Variants in GRID2 observed in about 807,000 individuals in gnomAD.
GRID2 encodes glutamate receptor ionotropic, delta-2.
A neutral mutation model predicts 114.8 loss-of-function variants in GRID2; 33 were observed. The ratio of observed to expected loss-of-function variants is 0.29; its 90% confidence interval spans 0.22 to 0.38. The LOEUF (loss-of-function observed/expected upper bound fraction) is 0.38, where lower values mean the gene tolerates loss of function less well. Ranked by LOEUF, GRID2 falls within the 10% of genes least tolerant of loss-of-function variation. The pLI is 1.00. For missense variants in GRID2, 1,184 were observed against 1,257.7 expected (o/e 0.94, Z 0.89); for synonymous variants, 505 against 449.9 (o/e 1.12, Z -1.55).
chr4:92,883,191 TAGG>T (rs986900379), intron 2 of GRID2, among the ~76,000 whole-genome samples: 1 of 152,226 alleles, frequency 6.6e-6, no homozygotes, highest in African/African-American at 2.4e-5. Context: ...GCATCTTCAC[TAGG>T]AGTAGATTCC....
intron 2 of GRID2, among the ~76,000 whole-genome samples, chr4:93,055,521 A>AAAC (rs768197501): frequency 5.3e-5 from 8 of 152,072 alleles, no homozygotes; most frequent in East Asian, 1.9e-4. Flanking sequence ...AAGTATAATT[A>AAAC]AACAACAACA....
At chr4:93,652,233 G>A (rs1404053125) in intron 14 of GRID2, among the ~76,000 whole-genome samples, 5 of 152,016 alleles carry the variant, frequency 3.3e-5, no homozygotes, top group Non-Finnish European at 5.9e-5. Context: ...GGAAGACCAC[G>A]TGAAGACACA....
At chr4:93,792,248 C>T (rs1734708715) in intron 1 of GRID2, among the ~76,000 whole-genome samples, 1 of 152,154 alleles carries the variant, frequency 6.6e-6, no homozygotes, top group Non-Finnish European at 1.5e-5. Flanking sequence ...AATCCCACTT[C>T]CCTCTCTAAC....
chr4:93,625,697 C>A (rs184930446), intron 13 of GRID2, among the ~76,000 whole-genome samples: 1 of 152,122 alleles, frequency 6.6e-6, no homozygotes, highest in African/African-American at 2.4e-5. Flanking sequence ...GGGCGGATTA[C>A]GAGGTCAGGA....
intron 2 of GRID2, among the ~76,000 whole-genome samples, chr4:92,865,112 G>A (rs751724840): frequency 6.6e-6 from 1 of 152,128 alleles, no homozygotes; most frequent in African/African-American, 2.4e-5. Flanking sequence ...GAGGTTTGAG[G>A]TTCCCTGACA....
chr4:93,568,165 G>T (rs1239294662), intron 13 of GRID2, among the ~76,000 whole-genome samples: 3 of 152,148 alleles, frequency 2.0e-5, no homozygotes, highest in Non-Finnish European at 4.4e-5. Flanking sequence ...AGCCTTGCAA[G>T]CATGGTCATT....
At chr4:92,647,663 A>G (rs2149259061) in intron 2 of GRID2, among the ~76,000 whole-genome samples, 1 of 149,910 alleles carries the variant, frequency 6.7e-6, no homozygotes, top group Non-Finnish European at 1.5e-5. Flanking sequence ...ATCACTTTAT[A>G]TGTTATGAAA....
chr4:93,746,480 A>AT (rs1553995716), intron 14 of GRID2, among the ~76,000 whole-genome samples: 1 of 152,024 alleles, frequency 6.6e-6, no homozygotes, highest in Non-Finnish European at 1.5e-5. Flanking sequence ...ATACAGGCCA[A>AT]TATAGATTGT....
At chr4:93,192,618 G>C (rs936366509) in intron 4 of GRID2, among the ~76,000 whole-genome samples, 1 of 151,904 alleles carries the variant, frequency 6.6e-6, no homozygotes, top group Non-Finnish European at 1.5e-5. Context: ...ATGGTGGCAG[G>C]TGCCTCTAAT....
At chr4:93,633,254 T>A (rs937677085) in intron 14 of GRID2, among the ~76,000 whole-genome samples, 2 of 151,914 alleles carry the variant, frequency 1.3e-5, no homozygotes, top group Admixed American at 6.6e-5. Flanking sequence ...ATTATAACTA[T>A]AAGAATTTTT....
At chr4:92,793,764 C>T (rs1336623944) in intron 2 of GRID2, among the ~76,000 whole-genome samples, 1 of 151,850 alleles carries the variant, frequency 6.6e-6, no homozygotes, top group East Asian at 1.9e-4. Context: ...TCAGACCTTT[C>T]ATACTTTTCA....
chr4:92,618,962 G>T (rs1730140284), intron 2 of GRID2, among the ~76,000 whole-genome samples: 1 of 151,698 alleles, frequency 6.6e-6, no homozygotes, highest in Admixed American at 6.6e-5. Context: ...TGTCTTCTGA[G>T]AGTGGGGACA....
At chr4:93,517,185 C>A (rs931789236) in intron 13 of GRID2, among the ~76,000 whole-genome samples, 9 of 151,900 alleles carry the variant, frequency 5.9e-5, no homozygotes, top group Non-Finnish European at 1.0e-4. Context: ...GAGCCATAAA[C>A]CTTTCTCATA....
At chr4:93,091,774 T>A (rs955517046) in intron 3 of GRID2, among the ~76,000 whole-genome samples, 3 of 152,144 alleles carry the variant, frequency 2.0e-5, no homozygotes, top group Admixed American at 2.0e-4. Flanking sequence ...AAGTGCTCAT[T>A]ATCCTTATGA....
chr4:92,933,471 C>A (rs953854705), intron 2 of GRID2, among the ~76,000 whole-genome samples: 4 of 151,478 alleles, frequency 2.6e-5, no homozygotes, highest in African/African-American at 9.7e-5. Flanking sequence ...TACACTGTGT[C>A]TATTTCCAAG....
intron 1 of GRID2, among the ~76,000 whole-genome samples, chr4:92,378,300 T>C (rs1009991085): frequency 6.6e-6 from 1 of 152,092 alleles, no homozygotes; most frequent in African/African-American, 2.4e-5. Flanking sequence ...CAGAGATTTA[T>C]TTTAAAATTT....
Position 92,966,354 on chromosome 4 carries a change from G to A in GRID2, c.245-118641G>A, listed in dbSNP as rs78683296. Among the ~76,000 whole-genome samples, 1,176 of 151,912 alleles carry A rather than the reference G, an allele frequency of 7.7e-3. 19 individuals carry two copies. The highest frequency in any genetic ancestry group is 0.027 in the African/African-American group (1,116 of 41,482). On this transcript the variant is annotated intron_variant, in intron 2 of 15. Transcript: ENST00000282020. ...ACCCTTCGGCCAAAAAGGATAAGGT[G>A]GACCACAAAAAGGACAAAGCCCTTG...
In GRID2 at chr4:93,515,215, G is replaced by A. The variant is rs1438971330; in HGVS notation, c.1998-1G>A. On this transcript the variant is annotated splice_acceptor_variant, in intron 12 of 15. Coordinates refer to ENST00000282020, the MANE Select transcript of GRID2 (RefSeq NM_001510.4). LOFTEE classifies it high-confidence loss of function. ...GTCTCTCTTCTCTCCCAATAATCAA[G>A]GTCTCTCCAGGACCTTTCCAAGCAA... 6.8e-7 allele frequency: 1 copy of A among 1,473,626 alleles called. No homozygotes were observed. Among genetic ancestry groups the A allele is most frequent in the Non-Finnish European group, 9.2e-7 (1 of 1,083,906 alleles). 91.3% of individuals were successfully genotyped at this position (1,473,626 alleles called of 1,614,324 possible). A position where few individuals can be genotyped will look rare whatever the true frequency, so the allele number is the denominator to read the frequency against.
chr4:92,823,706 T>C lies in GRID2; in HGVS notation c.244+233420T>C, dbSNP rs187675460. The stretch of plus-strand genomic sequence containing the variant: ...TTTAGTGTGTCAGTAATAAGATAAA[T>C]TAGTTGTTTGGTAAAGAGGTGCTAA... On this transcript the variant is annotated intron_variant, in intron 2 of 15. Transcript: ENST00000282020. Among the ~76,000 whole-genome samples the C allele has an allele frequency of 3.0e-4, 45 of 152,296 alleles. 2 individuals carry two copies. The highest frequency in any genetic ancestry group is 1.8e-3 in the Admixed American group (27 of 15,282).
Sources: allele counts gnomAD v4.1 joint callset (sites outside exome capture counted in the v4.1 genomes callset), GRCh38; gene constraint gnomAD v4.1.1; transcripts MANE v1.5; gene names NCBI Gene and HGNC (gene_info 2026-07-23, HGNC 2026-07-21).